The following SEC14L5 variants were observed in gnomAD, a reference collection of about 807,000 sequenced individuals.
The protein encoded by SEC14L5 is SEC14-like protein 5.
SEC14L5 carries 96 observed loss-of-function variants against 84.6 expected under a neutral mutation model. The ratio of observed to expected loss-of-function variants is 1.13; its 90% CI spans 0.96 to 1.34. The LOEUF (loss-of-function observed/expected upper bound fraction) is 1.34. Ranked by LOEUF, SEC14L5 falls within the 40% of genes most tolerant of loss-of-function variation. The pLI is 0.00. For synonymous variants in SEC14L5, 546 were observed against 383.4 expected (o/e 1.42, Z -4.95); for missense variants, 1,224 against 942.5 (o/e 1.30, Z -3.91).
intron 2 of SEC14L5, among the ~76,000 whole-genome samples, chr16:4,985,834 G>T (rs1264731069): frequency 6.6e-6 from 1 of 150,868 alleles, no homozygotes; most frequent in Non-Finnish European, 1.5e-5. Flanking sequence ...TATTTACATT[G>T]TGAGTAGATA....
At chr16:4,989,194 C>T (rs184262669) in intron 4 of SEC14L5, among the ~76,000 whole-genome samples, 1 of 152,292 alleles carries the variant, frequency 6.6e-6, no homozygotes, top group East Asian at 1.9e-4. Context: ...TGACGTTGGG[C>T]CACACTGTCT....
rs935934617 is a variant in SEC14L5 at position 5,015,086 on chromosome 16, T to G, written c.*116T>G. 18 of 779,788 alleles carry G rather than the reference T, an allele frequency of 2.3e-5. No individual in the cohort carries two copies. The highest frequency in any genetic ancestry group is 3.3e-5 in the Non-Finnish European group (16 of 486,432). The allele number at this position is 779,788 out of a possible 1,614,324, so 48.3% of individuals were successfully genotyped here. ...TGTGGGCTGGAGCCCCAGGCCTAGA[T>G]GCTGCCCAAGTTGGGGTGTCTGGAG... On this transcript the variant is annotated 3_prime_UTR_variant, in exon 16 of 16. Coordinates refer to ENST00000251170, the MANE Select transcript of SEC14L5 (RefSeq NM_014692.2).
intron 2 of SEC14L5, among the ~76,000 whole-genome samples, chr16:4,985,204 TA>T (rs1245726709): frequency 1.3e-5 from 2 of 152,098 alleles, no homozygotes; most frequent in Non-Finnish European, 2.9e-5. Context: ...AAAATGCTTT[TA>T]AAAAATTATT....
chr16:4,990,742 G>A (rs896406778), intron 4 of SEC14L5, 25 bp from the exon 5 acceptor site: 1 of 1,593,360 alleles, frequency 6.3e-7, no homozygotes, highest in Non-Finnish European at 8.5e-7. Flanking sequence ...TTGAGTCCCT[G>A]GCATGACCCC....
chr16:4,990,565 G>C (rs1023019864), intron 4 of SEC14L5, among the ~76,000 whole-genome samples: 2 of 152,236 alleles, frequency 1.3e-5, no homozygotes, highest in Non-Finnish European at 2.9e-5. Flanking sequence ...TCATGAGAAG[G>C]CTTTTTGTTC....
At chr16:4,973,812 A>G (rs1955307637) in intron 2 of SEC14L5, among the ~76,000 whole-genome samples, 1 of 151,294 alleles carries the variant, frequency 6.6e-6, no homozygotes, top group African/African-American at 2.4e-5. Context: ...CCTCCTGAGT[A>G]GCTGGGACTC....
chr16:5,012,085 A>G (rs1429203562), intron 15 of SEC14L5, among the ~76,000 whole-genome samples: 1 of 152,182 alleles, frequency 6.6e-6, no homozygotes, highest in East Asian at 1.9e-4. Flanking sequence ...TGGAGCTCCA[A>G]GGATCCCAGG....
chr16:4,963,887 A>G (rs1482060386), intron 2 of SEC14L5, among the ~76,000 whole-genome samples: 2 of 151,728 alleles, frequency 1.3e-5, no homozygotes, highest in East Asian at 1.9e-4. Flanking sequence ...AGGTCTCACT[A>G]TGTTGCCCAG....
chr16:5,007,762 C>T (rs1239395078), intron 13 of SEC14L5, among the ~76,000 whole-genome samples: 3 of 148,198 alleles, frequency 2.0e-5, no homozygotes, highest in Non-Finnish European at 3.0e-5. Flanking sequence ...TATGCCACTG[C>T]GTCCAGCTAA....
intron 2 of SEC14L5, 60 bp from the exon 3 acceptor site, chr16:4,987,497 T>TGG (rs549895041): frequency 0.05 from 56,527 of 1,135,042 alleles, 867 homozygotes; most frequent in African/African-American, 0.1. Context: ...GAGGTCGCGC[T>TGG]GGGGGGGGGG....
intron 2 of SEC14L5, among the ~76,000 whole-genome samples, chr16:4,983,829 A>G (rs1171206790): frequency 1.3e-5 from 2 of 151,894 alleles, no homozygotes; most frequent in South Asian, 2.1e-4. Context: ...GTGAGCCGAG[A>G]TCGCGCCATT....
intron 11 of SEC14L5, among the ~76,000 whole-genome samples, chr16:5,005,688 C>T (rs1294559598): frequency 4.0e-5 from 6 of 151,342 alleles, no homozygotes; most frequent in African/African-American, 9.7e-5. Flanking sequence ...GGTGAAACCC[C>T]GTCTGTACTA....
chr16:5,016,230 A>G lies in SEC14L5; in HGVS notation c.*1260A>G, dbSNP rs1955873804. On this transcript the variant is annotated 3_prime_UTR_variant, in exon 16 of 16. Coordinates refer to ENST00000251170, the MANE Select transcript of SEC14L5 (RefSeq NM_014692.2). The stretch of plus-strand genomic sequence containing the variant: ...ATTGACATGAGTTCCCCTAGTTACT[A>G]CACAGGAGCGTCTTGGGTCTCCTTG... 6.6e-6 allele frequency: 1 copy of G among 152,120 alleles called. No individual in the cohort carries two copies. The highest frequency in any genetic ancestry group is 1.5e-5 in the Non-Finnish European group (1 of 68,022). The allele number at this position is 152,120 out of a possible 1,614,324, so 9.4% of individuals were successfully genotyped here.
At chr16:4,987,250 T>C (rs1955498641) in intron 2 of SEC14L5, among the ~76,000 whole-genome samples, 1 of 151,572 alleles carries the variant, frequency 6.6e-6, no homozygotes, top group African/African-American at 2.4e-5. Flanking sequence ...TCTCAAATGC[T>C]TTTCCTGAGA....
chr16:4,979,494 C>A (rs1955392988), intron 2 of SEC14L5, among the ~76,000 whole-genome samples: 1 of 152,188 alleles, frequency 6.6e-6, no homozygotes, highest in South Asian at 2.1e-4. Context: ...TCGGCTATTG[C>A]CATTACTGCA....
At position 5,018,238 on chromosome 16, in the gene SEC14L5, T is replaced by A. The variant is rs190863320; in HGVS notation, c.*3268T>A. 39 of 152,390 alleles carry A rather than the reference T, an allele frequency of 2.6e-4. No homozygotes were observed. Among genetic ancestry groups the A allele is most frequent in the Admixed American group, 1.2e-3 (18 of 15,312 alleles). The allele number at this position is 152,390 out of a possible 1,614,324, so 9.4% of individuals were successfully genotyped here. ...TAATGTCAGTGGTCATTCTGATTAC[T>A]TAATGCTTCGCATCCAAAGACTCGT... On this transcript the variant is annotated 3_prime_UTR_variant, in exon 16 of 16. Transcript: ENST00000251170.
chr16:4,988,473 C>G (rs1419529310), intron 4 of SEC14L5, among the ~76,000 whole-genome samples, 193 bp downstream of exon 4: 1 of 152,202 alleles, frequency 6.6e-6, no homozygotes. Context: ...TTTAGTATGT[C>G]TCAAATATTG....
chr16:4,996,239 A>G, intron 6 of SEC14L5, 109 bp from the exon 7 acceptor site: 2 of 677,976 alleles, frequency 2.9e-6, no homozygotes, highest in Non-Finnish European at 5.2e-6. Flanking sequence ...CTGGTTTGGA[A>G]CCACGTTTTA....
chr16:5,017,278 C>T lies in SEC14L5; in HGVS notation c.*2308C>T, dbSNP rs932638108. 3 of 152,220 alleles carry T rather than the reference C, an allele frequency of 2.0e-5. No homozygotes were observed. The highest frequency in any genetic ancestry group is 7.2e-5 in the African/African-American group (3 of 41,424). The allele number at this position is 152,220 out of a possible 1,614,324, so 9.4% of individuals were successfully genotyped here. ...GTTCTGCTCTTGAGAGTGCTCTCTC[C>T]CTAGGGAAAACCAGCCCAAACTGGC... On this transcript the variant is annotated 3_prime_UTR_variant, in exon 16 of 16. Transcript: ENST00000251170.
Sources: gnomAD v4.1 joint callset for allele counts (sites outside exome capture counted in the v4.1 genomes callset) on GRCh38, gnomAD v4.1.1 for gene constraint, MANE v1.5 for transcripts, NCBI Gene and HGNC (gene_info 2026-07-23, HGNC 2026-07-21) for gene names.